Variants in PRKG2 observed in about 807,000 individuals in gnomAD.
PRKG2 encodes cGMP-dependent protein kinase 2.
A neutral mutation model predicts 97.2 loss-of-function variants in PRKG2; 33 were observed. That is an observed-to-expected ratio of 0.34 (90% CI 0.26 to 0.45). The LOEUF is 0.45. PRKG2 is among the 20% of genes least tolerant of loss of function. The pLI is 1.00. For synonymous variants in PRKG2, 330 were observed against 321.8 expected (o/e 1.03, Z -0.27); for missense variants, 638 against 900.0 (o/e 0.71, Z 3.73).
At chr4:81,095,352 C>T (rs1412838069) in intron 17 of PRKG2, among the ~76,000 whole-genome samples, 1 of 152,140 alleles carries the variant, frequency 6.6e-6, no homozygotes, top group Non-Finnish European at 1.5e-5. Context: ...TTGTTCTACC[C>T]ATTGCTTTTT....
intron 2 of PRKG2, among the ~76,000 whole-genome samples, chr4:81,185,160 C>A (rs536245433): frequency 4.5e-4 from 68 of 152,080 alleles, no homozygotes; most frequent in African/African-American, 1.6e-3. Context: ...AAGAGCAACC[C>A]CAAGAAACAT....
At chr4:81,133,327 T>C (rs1192657593) in intron 14 of PRKG2, among the ~76,000 whole-genome samples, 2 of 152,152 alleles carry the variant, frequency 1.3e-5, no homozygotes, top group African/African-American at 4.8e-5. Context: ...CTCCAGCAGT[T>C]TAATGTATGT....
intron 9 of PRKG2, among the ~76,000 whole-genome samples, chr4:81,144,763 C>A (rs1214679632): frequency 1.7e-5 from 2 of 119,986 alleles, no homozygotes; most frequent in African/African-American, 6.3e-5. Flanking sequence ...CCCCCTCCCC[C>A]CACCCCATGA....
chr4:81,154,425 G>A (rs1205236508), intron 6 of PRKG2, among the ~76,000 whole-genome samples: 1 of 151,224 alleles, frequency 6.6e-6, no homozygotes. Flanking sequence ...GGAGATCTGA[G>A]AACGGGCAGA....
intron 2 of PRKG2, among the ~76,000 whole-genome samples, chr4:81,202,795 G>A (rs928569589): frequency 3.3e-5 from 5 of 151,798 alleles, no homozygotes; most frequent in Admixed American, 2.0e-4. Flanking sequence ...AAGGAAATAC[G>A]CTTATCTCAG....
intron 18 of PRKG2, 58 bp from the exon 19 acceptor site, chr4:81,089,861 C>T (rs1741377122): frequency 1.5e-6 from 2 of 1,347,326 alleles, no homozygotes; most frequent in East Asian, 2.3e-5. Context: ...CATGCTATCA[C>T]ATATGGGTAA....
At chr4:81,119,427 T>C (rs1409426189) in intron 14 of PRKG2, among the ~76,000 whole-genome samples, 1 of 152,238 alleles carries the variant, frequency 6.6e-6, no homozygotes, top group Admixed American at 6.5e-5. Flanking sequence ...TATGTTTACA[T>C]GGATCTATTT....
chr4:81,159,297 C>A (rs867497879), intron 6 of PRKG2, among the ~76,000 whole-genome samples: 185 of 152,032 alleles, frequency 1.2e-3, no homozygotes, highest in African/African-American at 1.7e-3. Flanking sequence ...AAGTGGGCAA[C>A]GGATATGAAC....
At chr4:81,106,054 G>T in intron 15 of PRKG2, 119 bp from the exon 16 acceptor site, 1 of 1,212,780 alleles carries the variant, frequency 8.2e-7, no homozygotes, top group Non-Finnish European at 1.1e-6. Context: ...TCCTCTCTCT[G>T]TCTCAGTTGT....
At chr4:81,163,611 T>C (rs1474881472) in intron 6 of PRKG2, among the ~76,000 whole-genome samples, 5 of 152,148 alleles carry the variant, frequency 3.3e-5, no homozygotes, top group Non-Finnish European at 7.4e-5. Flanking sequence ...CCATTTTTAC[T>C]GTAAACAAAA....
chr4:81,117,053 CATG>C (rs1298397194), intron 14 of PRKG2, among the ~76,000 whole-genome samples: 6 of 135,156 alleles, frequency 4.4e-5, no homozygotes, highest in Non-Finnish European at 7.6e-5. Flanking sequence ...AGTGCAGTGG[CATG>C]ATCTTGGCTC....
At chr4:81,105,684 C>T (rs1438244716) in intron 16 of PRKG2, 129 bp downstream of exon 16, 1 of 1,320,186 alleles carries the variant, frequency 7.6e-7, no homozygotes, top group Non-Finnish European at 1.0e-6. Context: ...TGACTTCCTT[C>T]AAATATAATT....
intron 2 of PRKG2, among the ~76,000 whole-genome samples, chr4:81,187,621 C>T (rs190973768): frequency 6.6e-6 from 1 of 152,080 alleles, no homozygotes; most frequent in Admixed American, 6.6e-5. Context: ...CCAGGGCAAT[C>T]AGGCAAGAGA....
In PRKG2 at chr4:81,128,547, G is replaced by C. The variant is rs1016596002; in HGVS notation, c.1776+6608C>G. 3.3e-5 allele frequency among the ~76,000 whole-genome samples: 5 copies of C among 152,098 alleles called. No individual in the cohort carries two copies. The East Asian group carries it at 9.6e-4, about 29-fold the overall frequency. On this transcript the variant is annotated intron_variant, in intron 14 of 18. Transcript: ENST00000264399. ...CTATTCAGGGATTCGACTTCTTCCC[G>C]GTTTAGCCTTGGGAGGGTGTATGTG...
intron 13 of PRKG2, 117 bp downstream of exon 13, chr4:81,137,276 T>C: frequency 1.3e-6 from 1 of 787,608 alleles, no homozygotes; most frequent in Non-Finnish European, 2.1e-6. Flanking sequence ...ATTACTACTT[T>C]ATTTTATCAA....
At chr4:81,180,791 T>C (rs538472270) in intron 2 of PRKG2, among the ~76,000 whole-genome samples, 1 of 111,878 alleles carries the variant, frequency 8.9e-6, no homozygotes, top group African/African-American at 8.5e-5. Context: ...ACTGATATTT[T>C]AAATATCTCT....
At chr4:81,152,681 G>A (rs919693725) in intron 7 of PRKG2, among the ~76,000 whole-genome samples, 4 of 152,076 alleles carry the variant, frequency 2.6e-5, no homozygotes, top group African/African-American at 9.7e-5. Flanking sequence ...GCTGATTCAG[G>A]CTGAATAGAA....
chr4:81,127,754 T>C (rs958466753), intron 14 of PRKG2, among the ~76,000 whole-genome samples: 10 of 152,352 alleles, frequency 6.6e-5, no homozygotes, highest in Middle Eastern at 3.4e-3. Context: ...GTTTTCTAAA[T>C]ATACAATCAT....
intron 14 of PRKG2, among the ~76,000 whole-genome samples, chr4:81,114,400 A>G (rs1316789137): frequency 6.6e-6 from 1 of 152,154 alleles, no homozygotes; most frequent in East Asian, 1.9e-4. Context: ...TAGGAAGGTC[A>G]TGGATACTTG....
Sources: allele counts gnomAD v4.1 joint callset (sites outside exome capture counted in the v4.1 genomes callset), GRCh38; gene constraint gnomAD v4.1.1; transcripts MANE v1.5; gene names NCBI Gene and HGNC (gene_info 2026-07-23, HGNC 2026-07-21).